Variants in SLC9A9 observed in about 807,000 individuals in gnomAD.
The protein encoded by SLC9A9 is solute carrier family 9 member A9, also known as sodium/hydrogen exchanger 9.
A neutral mutation model predicts 77.8 loss-of-function variants in SLC9A9; 62 were observed. The observed-to-expected ratio is 0.80, with a 90% CI of 0.65 to 0.98. The LOEUF is 0.98. Among genes scored for constraint, SLC9A9 ranks in the 50% least tolerant of loss-of-function variants. The pLI, the probability that SLC9A9 is intolerant of heterozygous loss-of-function variation, is 0.00. For missense variants in SLC9A9, 775 were observed against 774.9 expected, an observed-to-expected ratio of 1.00 and a Z score of 0.00; for synonymous variants, 320 against 283.5, an observed-to-expected ratio of 1.13 and a Z score of -1.29.
intron 4 of SLC9A9, among the ~76,000 whole-genome samples, chr3:143,695,253 G>C (rs1031418966): frequency 6.6e-6 from 1 of 152,064 alleles, no homozygotes; most frequent in African/African-American, 2.4e-5. Context: ...TGTTACATAA[G>C]TATATACATG....
Position 143,809,127 on chromosome 3 carries a change from T to A in SLC9A9, c.379-12224A>T, listed in dbSNP as rs1367411898. 7.9e-5 allele frequency among the ~76,000 whole-genome samples: 12 copies of A among 152,374 alleles called. No individual in the cohort carries two copies. The East Asian group carries it at 2.1e-3, about 27-fold the overall frequency. ...TTTAGCATAGAGATGTATTTCTGAA[T>A]GCTTGAGGGATGAAGCAGTGCAGCT... is the stretch of plus-strand genomic sequence containing the variant. On this transcript the variant is annotated intron_variant, in intron 2 of 15. Transcript: ENST00000316549.
intron 4 of SLC9A9, among the ~76,000 whole-genome samples, chr3:143,726,993 G>C (rs1934670771): frequency 6.6e-6 from 1 of 150,468 alleles, no homozygotes; most frequent in Non-Finnish European, 1.5e-5. Context: ...ATGTTGAACA[G>C]AAGAGATCCC....
At chr3:143,322,922 AC>A (rs1253412909) in intron 14 of SLC9A9, among the ~76,000 whole-genome samples, 2 of 152,132 alleles carry the variant, frequency 1.3e-5, no homozygotes, top group Non-Finnish European at 2.9e-5. Context: ...CTCCAAAAAA[AC>A]AAAACAAAAC....
chr3:143,520,153 A>G (rs576202397), intron 9 of SLC9A9, among the ~76,000 whole-genome samples: 3 of 152,338 alleles, frequency 2.0e-5, no homozygotes, highest in African/African-American at 7.2e-5. Flanking sequence ...TCCTATAGTC[A>G]TAATTGCTAA....
chr3:143,677,332 C>T (rs1279712565), intron 5 of SLC9A9, among the ~76,000 whole-genome samples: 2 of 152,118 alleles, frequency 1.3e-5, no homozygotes, highest in Admixed American at 1.3e-4. Flanking sequence ...TTTGCATTTA[C>T]TTTAATAGTC....
intron 12 of SLC9A9, among the ~76,000 whole-genome samples, chr3:143,418,631 G>A (rs1443589844): frequency 1.3e-5 from 2 of 152,166 alleles, no homozygotes; most frequent in Non-Finnish European, 2.9e-5. Context: ...GGAGCATGGA[G>A]AAGTGGCTGT....
At chr3:143,585,738 C>G (rs1447097192) in intron 6 of SLC9A9, among the ~76,000 whole-genome samples, 70 of 152,200 alleles carry the variant, frequency 4.6e-4, no homozygotes, top group Non-Finnish European at 9.8e-4. Context: ...GGTGGGCTTA[C>G]CCCACATACT....
intron 4 of SLC9A9, among the ~76,000 whole-genome samples, chr3:143,788,651 A>G (rs1435181150): frequency 6.0e-5 from 8 of 134,190 alleles, no homozygotes; most frequent in African/African-American, 2.3e-4. Context: ...AGATCACGCC[A>G]TTGCACTCCA....
intron 7 of SLC9A9, among the ~76,000 whole-genome samples, chr3:143,576,444 G>A (rs183888575): frequency 6.6e-6 from 1 of 152,090 alleles, no homozygotes; most frequent in African/African-American, 2.4e-5. Flanking sequence ...GTTTCCTCGG[G>A]TGTAAGGTGA....
At chr3:143,390,501 CA>C (rs892968979) in intron 12 of SLC9A9, among the ~76,000 whole-genome samples, 6 of 152,162 alleles carry the variant, frequency 3.9e-5, no homozygotes, top group African/African-American at 1.4e-4. Context: ...AGAACAGCTC[CA>C]GTCTACAGCT....
At chr3:143,635,860 T>C (rs764182157) in intron 6 of SLC9A9, among the ~76,000 whole-genome samples, 9 of 152,264 alleles carry the variant, frequency 5.9e-5, no homozygotes, top group Non-Finnish European at 8.8e-5. Flanking sequence ...CAATACTTCA[T>C]ACTTAAATAT....
chr3:143,368,440 G>T (rs949119724), intron 13 of SLC9A9, among the ~76,000 whole-genome samples: 2 of 152,186 alleles, frequency 1.3e-5, no homozygotes, highest in East Asian at 1.9e-4. Flanking sequence ...ATTCAAATAT[G>T]AGGAATTTGC....
intron 11 of SLC9A9, among the ~76,000 whole-genome samples, chr3:143,486,729 T>C (rs2035658354): frequency 6.6e-6 from 1 of 152,032 alleles, no homozygotes; most frequent in African/African-American, 2.4e-5. Flanking sequence ...GTTACAGCTT[T>C]AGGATCTTAA....
intron 14 of SLC9A9, among the ~76,000 whole-genome samples, chr3:143,274,890 T>C (rs1037132343): frequency 1.3e-5 from 2 of 152,228 alleles, no homozygotes; most frequent in Non-Finnish European, 1.5e-5. Context: ...TATAGATGGT[T>C]GTCATATATT....
intron 14 of SLC9A9, among the ~76,000 whole-genome samples, chr3:143,321,693 C>A (rs2031424770): frequency 2.0e-5 from 3 of 152,136 alleles, no homozygotes; most frequent in Admixed American, 6.5e-5. Flanking sequence ...AATGGTACAT[C>A]CATTGCTCTG....
intron 5 of SLC9A9, among the ~76,000 whole-genome samples, chr3:143,683,482 G>A (rs1933166550): frequency 1.3e-5 from 2 of 152,124 alleles, no homozygotes; most frequent in Non-Finnish European, 2.9e-5. Flanking sequence ...GGAGAACGCA[G>A]AGAAGAGACA....
chr3:143,738,476 A>G (rs1934997877), intron 4 of SLC9A9, among the ~76,000 whole-genome samples: 1 of 152,154 alleles, frequency 6.6e-6, no homozygotes, highest in Non-Finnish European at 1.5e-5. Flanking sequence ...ATGTTTCCCT[A>G]GTGAAACCCT....
chr3:143,668,591 A>G (rs574871574), intron 5 of SLC9A9, among the ~76,000 whole-genome samples: 2 of 152,210 alleles, frequency 1.3e-5, no homozygotes, highest in African/African-American at 4.8e-5. Context: ...TTGGCTAAAA[A>G]GTTGATTATC....
intron 6 of SLC9A9, among the ~76,000 whole-genome samples, chr3:143,647,550 C>T (rs1462089217): frequency 6.6e-6 from 1 of 152,122 alleles, no homozygotes; most frequent in East Asian, 1.9e-4. Context: ...ATTTTTCATC[C>T]TTTGCCTATA....
Sources: allele counts gnomAD v4.1 joint callset (sites outside exome capture counted in the v4.1 genomes callset), GRCh38; gene constraint gnomAD v4.1.1; transcripts MANE v1.5; gene names NCBI Gene and HGNC (gene_info 2026-07-23, HGNC 2026-07-21).